Variants in SLC35D4 observed in about 807,000 individuals in gnomAD.
SLC35D4 encodes solute carrier family 35 member D4, also known as UDP-N-acetylglucosamine transporter SLC35D4.
chr18:23,279,109 C>T, the SLC35D4 span, among the ~76,000 whole-genome samples: 1 of 152,142 alleles, frequency 6.6e-6, no homozygotes, highest in Non-Finnish European at 1.5e-5. Context: ...CACAGAGATT[C>T]AGGCTCCTTC....
the SLC35D4 span, among the ~76,000 whole-genome samples, chr18:23,241,524 G>A: frequency 6.6e-5 from 10 of 152,066 alleles, no homozygotes; most frequent in Non-Finnish European, 1.2e-4. Context: ...GCGAAACTAC[G>A]TCTCAAAAAA....
chr18:23,251,256 G>A, the SLC35D4 span, among the ~76,000 whole-genome samples: 1 of 152,094 alleles, frequency 6.6e-6, no homozygotes, highest in African/African-American at 2.4e-5. Flanking sequence ...AGTTCAAGAG[G>A]AGCCCAGCCA....
chr18:23,395,949 T>A, the SLC35D4 span, among the ~76,000 whole-genome samples: 1 of 152,214 alleles, frequency 6.6e-6, no homozygotes, highest in Non-Finnish European at 1.5e-5. Context: ...TGGTGAGCTG[T>A]GTGTCTTTCA....
At chr18:23,308,874 C>CTGTGTG in the SLC35D4 span, among the ~76,000 whole-genome samples, 1 of 144,184 alleles carries the variant, frequency 6.9e-6, no homozygotes, top group African/African-American at 2.6e-5. Flanking sequence ...CTCTCTCTCT[C>CTGTGTG]TCTGTGTGTG....
At chr18:23,319,025 G>T in the SLC35D4 span, among the ~76,000 whole-genome samples, 1 of 151,490 alleles carries the variant, frequency 6.6e-6, no homozygotes, top group Non-Finnish European at 1.5e-5. Flanking sequence ...TATATTTTTA[G>T]TAGAGACAGG....
At chr18:23,297,880 G>T in the SLC35D4 span, 2 of 1,101,542 alleles carry the variant, frequency 1.8e-6, no homozygotes, top group Non-Finnish European at 2.6e-6. Context: ...TGCCCACCTG[G>T]CCTCACTGTC....
the SLC35D4 span, among the ~76,000 whole-genome samples, chr18:23,286,739 AAC>A: frequency 6.6e-6 from 1 of 151,868 alleles, no homozygotes; most frequent in Non-Finnish European, 1.5e-5. Context: ...AAAACTCCCC[AAC>A]TCTGGTGCCA....
At chr18:23,380,958 C>T in the SLC35D4 span, among the ~76,000 whole-genome samples, 1 of 152,172 alleles carries the variant, frequency 6.6e-6, no homozygotes, top group South Asian at 2.1e-4. Flanking sequence ...GTAAAATCTA[C>T]ACATAGTAGA....
chr18:23,360,003 C>T, the SLC35D4 span, among the ~76,000 whole-genome samples: 5 of 152,216 alleles, frequency 3.3e-5, no homozygotes, highest in East Asian at 1.9e-4. Flanking sequence ...GTCCCACCAC[C>T]GCTGCCAGCG....
chr18:23,245,432 AC>A, the SLC35D4 span, among the ~76,000 whole-genome samples: 2 of 149,002 alleles, frequency 1.3e-5, no homozygotes, highest in Non-Finnish European at 3.0e-5. Context: ...AATCGCTTGA[AC>A]CCGGGAGGCG....
the SLC35D4 span, among the ~76,000 whole-genome samples, chr18:23,380,021 C>T: frequency 1.3e-5 from 2 of 152,056 alleles, no homozygotes; most frequent in Admixed American, 6.5e-5. Flanking sequence ...CGCTTAGAAC[C>T]GGGAGGCGGA....
chr18:23,332,359 A>C, the SLC35D4 span, among the ~76,000 whole-genome samples: 1 of 152,344 alleles, frequency 6.6e-6, no homozygotes, highest in Admixed American at 6.5e-5. Context: ...TAACTTGTGA[A>C]CATATGTCTT....
At chr18:23,265,113 A>C in the SLC35D4 span, among the ~76,000 whole-genome samples, 2 of 152,184 alleles carry the variant, frequency 1.3e-5, no homozygotes, top group Non-Finnish European at 2.9e-5. Flanking sequence ...ATAAATATCC[A>C]GCCACATCCG....
At chr18:23,275,973 T>C in the SLC35D4 span, among the ~76,000 whole-genome samples, 1 of 152,178 alleles carries the variant, frequency 6.6e-6, no homozygotes, top group South Asian at 2.1e-4. Flanking sequence ...TTCAGTGGGC[T>C]GGGGTTTCTG....
At chr18:23,272,778 G>C in the SLC35D4 span, among the ~76,000 whole-genome samples, 1 of 152,284 alleles carries the variant, frequency 6.6e-6, no homozygotes, top group East Asian at 1.9e-4. Flanking sequence ...CCAACACACG[G>C]TTTGATTATT....
At chr18:23,307,152 C>T in the SLC35D4 span, among the ~76,000 whole-genome samples, 30 of 152,370 alleles carry the variant, frequency 2.0e-4, 1 homozygote, top group Middle Eastern at 6.8e-3. Context: ...ACCGTAGTGA[C>T]GTCTGGCAAG....
the SLC35D4 span, among the ~76,000 whole-genome samples, chr18:23,264,478 C>T: frequency 6.6e-6 from 1 of 151,504 alleles, no homozygotes; most frequent in Non-Finnish European, 1.5e-5. Context: ...TTCTCCTGCC[C>T]CAGCCTCCTG....
the SLC35D4 span, among the ~76,000 whole-genome samples, chr18:23,312,404 G>A: frequency 0.34 from 52,315 of 152,026 alleles, 9,913 homozygotes; most frequent in Non-Finnish European, 0.43. Context: ...TGCCTTCGCC[G>A]TCTGCCACTT....
the SLC35D4 span, among the ~76,000 whole-genome samples, chr18:23,256,782 T>C: frequency 6.6e-6 from 1 of 152,126 alleles, no homozygotes; most frequent in East Asian, 1.9e-4. Flanking sequence ...ACCACCGGTT[T>C]GCTTTATTTT....
Sources: gnomAD v4.1 joint callset for allele counts (sites outside exome capture counted in the v4.1 genomes callset) on GRCh38, gnomAD v4.1.1 for gene constraint, MANE v1.5 for transcripts, NCBI Gene and HGNC (gene_info 2026-07-23, HGNC 2026-07-21) for gene names.